Variants in SAMMSON observed in about 807,000 individuals in gnomAD.
SAMMSON encodes survival associated mitochondrial melanoma specific oncogenic non-coding RNA.
At chr3:70,035,550 A>T (rs1278927083) in intron 3 of SAMMSON, among the ~76,000 whole-genome samples, 1 of 152,092 alleles carries the variant, frequency 6.6e-6, no homozygotes, top group African/African-American at 2.4e-5. Context: ...CAATTCAGCA[A>T]ATGTTATGCA....
At chr3:70,056,258 A>G (rs1392362090) in intron 3 of SAMMSON, among the ~76,000 whole-genome samples, 1 of 152,038 alleles carries the variant, frequency 6.6e-6, no homozygotes, top group East Asian at 1.9e-4. Flanking sequence ...TTATTCAACA[A>G]AGATTTACTG....
intron 7 of SAMMSON, among the ~76,000 whole-genome samples, chr3:70,343,932 T>A (rs1476403806): frequency 4.0e-5 from 6 of 150,598 alleles, no homozygotes; most frequent in African/African-American, 7.3e-5. Flanking sequence ...TATAATTTTA[T>A]ATTATTTTAT....
chr3:70,110,193 T>C (rs1226841901), intron 4 of SAMMSON, among the ~76,000 whole-genome samples: 2 of 152,222 alleles, frequency 1.3e-5, no homozygotes, highest in Non-Finnish European at 2.9e-5. Flanking sequence ...TTCTCTCTAC[T>C]CTTACTCTGT....
intron 2 of SAMMSON, among the ~76,000 whole-genome samples, chr3:70,425,741 G>A (rs1701360470): frequency 6.6e-6 from 1 of 151,902 alleles, no homozygotes; most frequent in African/African-American, 2.4e-5. Context: ...GAAATGCCTG[G>A]GAATAATAAT....
chr3:70,366,193 T>A lies in SAMMSON; in HGVS notation n.913+7869T>A, dbSNP rs200972578. ...TTTTAGTAGAGACGGGGTTTCACCT[T>A]GTTAGCCAGGATGGTCTCGATCTCC... On this transcript the variant is annotated intron_variant and non_coding_transcript_variant, in intron 9 of 9. Coordinates refer to ENST00000642114, the Ensembl canonical transcript of SAMMSON. Among the ~76,000 whole-genome samples, 50 of 32,606 alleles carry A rather than the reference T, an allele frequency of 1.5e-3. 12 individuals carry two copies. The East Asian group carries it at 0.023, about 15-fold the overall frequency. The allele number at this position is 32,606 out of a possible 152,430, so 21.4% of individuals were successfully genotyped here.
chr3:70,130,750 C>G (rs1328962579), intron 4 of SAMMSON, among the ~76,000 whole-genome samples: 2 of 152,064 alleles, frequency 1.3e-5, no homozygotes, highest in Non-Finnish European at 2.9e-5. Context: ...CAGCCAATAG[C>G]TAACAAAACC....
intron 3 of SAMMSON, among the ~76,000 whole-genome samples, chr3:70,043,509 G>A (rs772268402): frequency 6.6e-6 from 1 of 152,014 alleles, no homozygotes; most frequent in Non-Finnish European, 1.5e-5. Context: ...GAACAGAATT[G>A]TGCCACCAGA....
At chr3:70,019,782 G>T (rs2067004040) in intron 3 of SAMMSON, among the ~76,000 whole-genome samples, 2 of 152,148 alleles carry the variant, frequency 1.3e-5, no homozygotes, top group Non-Finnish European at 2.9e-5. Flanking sequence ...ACCTGGTGGT[G>T]ACAAACAGAA....
At chr3:70,254,159 A>AT (rs1701794273) in intron 6 of SAMMSON, among the ~76,000 whole-genome samples, 1 of 151,696 alleles carries the variant, frequency 6.6e-6, no homozygotes, top group Non-Finnish European at 1.5e-5. Flanking sequence ...ACACAAAAAA[A>AT]ATTGTATGCT....
intron 4 of SAMMSON, chr3:70,084,900 T>C (rs1407511137): frequency 2.0e-5 from 3 of 152,184 alleles, no homozygotes; most frequent in African/African-American, 7.2e-5. Flanking sequence ...ACTAATTACA[T>C]TGACAAAGTA....
chr3:70,063,316 A>G (rs549057994), intron 3 of SAMMSON, among the ~76,000 whole-genome samples: 1 of 152,176 alleles, frequency 6.6e-6, no homozygotes, highest in East Asian at 1.9e-4. Context: ...AACTTTGTGA[A>G]TATTTTGGTC....
intron 4 of SAMMSON, among the ~76,000 whole-genome samples, chr3:70,083,643 C>G (rs986886863): frequency 6.6e-6 from 1 of 152,138 alleles, no homozygotes; most frequent in African/African-American, 2.4e-5. Context: ...GATTCATGCT[C>G]TTTTGGCTGC....
intron 4 of SAMMSON, among the ~76,000 whole-genome samples, chr3:70,106,629 A>G (rs977772373): frequency 3.9e-5 from 6 of 151,980 alleles, no homozygotes; most frequent in African/African-American, 1.4e-4. Context: ...TGTGGGCCAC[A>G]GCGCCTAGCC....
intron 4 of SAMMSON, among the ~76,000 whole-genome samples, chr3:70,180,206 C>A (rs1701041778): frequency 6.6e-6 from 1 of 152,018 alleles, no homozygotes; most frequent in African/African-American, 2.4e-5. Flanking sequence ...TGGTCCTAAG[C>A]AGTATTTCTT....
intron 4 of SAMMSON, among the ~76,000 whole-genome samples, chr3:70,121,124 G>A (rs1028956478): frequency 6.6e-6 from 1 of 152,158 alleles, no homozygotes; most frequent in African/African-American, 2.4e-5. Flanking sequence ...TTCACAATAG[G>A]GTTCGCGCTC....
intron 9 of SAMMSON, among the ~76,000 whole-genome samples, chr3:70,373,030 T>C (rs1374353980): frequency 2.0e-5 from 3 of 152,214 alleles, no homozygotes; most frequent in Admixed American, 2.0e-4. Flanking sequence ...TCAAACATAA[T>C]TCAGAAATGC....
In SAMMSON at chr3:70,303,740, G is replaced by T. The variant is rs1010496734; in HGVS notation, n.739+12497G>T. On this transcript the variant is annotated intron_variant and non_coding_transcript_variant, in intron 7 of 9. Coordinates refer to ENST00000642114, the Ensembl canonical transcript of SAMMSON. Reference sequence around the variant, plus strand: ...TCTGTTGCCCAGGCTGAAGTGCAGTGGTGTGATCCTGGCTCACTGCAACCT... The same window carrying T: ...TCTGTTGCCCAGGCTGAAGTGCAGTTGTGTGATCCTGGCTCACTGCAACCT... Among the ~76,000 whole-genome samples the T allele has an allele frequency of 2.6e-5, 4 of 152,096 alleles. No individual in the cohort carries two copies. In the South Asian group the frequency reaches 6.2e-4, roughly 24 times the overall value.
intron 4 of SAMMSON, among the ~76,000 whole-genome samples, chr3:70,198,857 A>G (rs1483178752): frequency 1.3e-5 from 2 of 152,186 alleles, no homozygotes; most frequent in Non-Finnish European, 2.9e-5. Context: ...CTCATAAGTC[A>G]CCACAAACCT....
At chr3:70,202,332 G>A (rs1701247982) in intron 4 of SAMMSON, among the ~76,000 whole-genome samples, 1 of 152,156 alleles carries the variant, frequency 6.6e-6, no homozygotes, top group African/African-American at 2.4e-5. Context: ...GTGACTAGTA[G>A]TCTATCTGAC....
Sources: allele counts gnomAD v4.1 joint callset (sites outside exome capture counted in the v4.1 genomes callset), GRCh38; gene constraint gnomAD v4.1.1; transcripts MANE v1.5; gene names NCBI Gene and HGNC (gene_info 2026-07-23, HGNC 2026-07-21).